The following WDR45B variants were observed in gnomAD, a reference collection of about 807,000 sequenced individuals.
WDR45B encodes WD repeat domain phosphoinositide-interacting protein 3.
In WDR45B, 20 loss-of-function variants were observed where a neutral mutation model predicts 44.6. The observed-to-expected ratio is 0.45, with a 90% CI of 0.32 to 0.65. The LOEUF is 0.65. WDR45B is among the 30% of genes least tolerant of loss of function. WDR45B has a pLI of 0.05. For missense variants in WDR45B, 323 were observed against 430.2 expected (o/e 0.75, Z 2.20); for synonymous variants, 169 against 164.9 (o/e 1.02, Z -0.19).
Position 82,621,803 on chromosome 17 carries a change from C to T in WDR45B, c.428-4G>A, listed in dbSNP as rs530240273. The T allele has an allele frequency of 6.8e-6, 11 of 1,613,974 alleles. No homozygotes were observed. The highest frequency in any genetic ancestry group is 3.3e-5 in the Admixed American group (2 of 60,002). ...TTGGGACAAAGGACACAGAGGCCTG[C>T]GTGGAGACAGAGGACACCAATCAAG... On this transcript the variant is annotated splice_region_variant and splice_polypyrimidine_tract_variant and intron_variant, in intron 5 of 9. Transcript: ENST00000392325.
intron 9 of WDR45B, 32 bp downstream of exon 9, chr17:82,616,492 T>A (rs746425515): frequency 6.1e-5 from 99 of 1,612,322 alleles, no homozygotes; most frequent in Non-Finnish European, 8.1e-5. Context: ...GTGGGGCGGG[T>A]GGGGACGTTC....
intron 4 of WDR45B, chr17:82,625,700 C>T (rs1442604000): frequency 1.4e-5 from 8 of 560,542 alleles, no homozygotes; most frequent in Admixed American, 1.3e-4. Context: ...TGCTTCTCGC[C>T]TGGGTGAAGG....
chr17:82,629,090 A>G (rs2045735951), intron 3 of WDR45B, among the ~76,000 whole-genome samples: 1 of 152,334 alleles, frequency 6.6e-6, no homozygotes, highest in East Asian at 1.9e-4. Context: ...CCTGCTGAAT[A>G]CTGCTTTCTT....
At chr17:82,647,092 G>A (rs1342113801) in intron 1 of WDR45B, among the ~76,000 whole-genome samples, 1 of 152,180 alleles carries the variant, frequency 6.6e-6, no homozygotes, top group Non-Finnish European at 1.5e-5. Flanking sequence ...AGCCGGGCGT[G>A]GAGGCAGGCG....
Position 82,648,393 on chromosome 17 carries a change from G to T in WDR45B, c.-53C>A, listed in dbSNP as rs546337286. The T allele has an allele frequency of 5.7e-6, 9 of 1,586,388 alleles. No homozygotes were observed. Among genetic ancestry groups the T allele is most frequent in the Non-Finnish European group, 7.7e-6 (9 of 1,168,334 alleles). On this transcript the variant is annotated 5_prime_UTR_variant, in exon 1 of 10. Coordinates refer to ENST00000392325, the MANE Select transcript of WDR45B (RefSeq NM_019613.4). ...TCAGCGCTGCATGCCTCTCGCTGGGGACGGCGGCCTGGTCCCTTCGGGCCG... is the reference window on the plus strand; with the variant it reads ...TCAGCGCTGCATGCCTCTCGCTGGGTACGGCGGCCTGGTCCCTTCGGGCCG...
rs777155837 is a variant in WDR45B, at chr17:82,615,985, G to A, written c.969C>T (p.Asn323=). 1.2e-4 allele frequency: 201 copies of A among 1,613,862 alleles called. No homozygotes were observed. Among genetic ancestry groups the A allele is most frequent in the Middle Eastern group, 1.6e-4 (1 of 6,084 alleles). Residue 323 remains asparagine (N), a synonymous_variant, in exon 10 of 10, where the codon AAC becomes AAT. Coordinates refer to ENST00000392325, the MANE Select transcript of WDR45B (RefSeq NM_019613.4). ...CATCTCGGATGCACTCCCCCTTGGG[G>A]TTGAACAGGAATTTGTAGTAGCTGC... ...ADGSYYKFLF[N]PKGECIRDVY...
Position 82,641,004 on chromosome 17 carries a change from C to T in WDR45B, c.142+2945G>A, listed in dbSNP as rs143920493. 3.8e-3 allele frequency among the ~76,000 whole-genome samples: 472 copies of T among 125,290 alleles called. 4 individuals are homozygous for T. Among genetic ancestry groups the T allele is most frequent in the African/African-American group, 0.013 (418 of 32,184 alleles). The allele number at this position is 125,290 out of a possible 152,430, so 82.2% of individuals were successfully genotyped here. A position where few individuals can be genotyped will look rare whatever the true frequency, so the allele number is the denominator to read the frequency against. ...TTTTTGAGACGGAGTCTTGCTCTGT[C>T]GCCCAGGATGGAGTGCAGTGGCGCA... is the stretch of plus-strand genomic sequence containing the variant. On this transcript the variant is annotated intron_variant, in intron 2 of 9. Coordinates refer to ENST00000392325, the MANE Select transcript of WDR45B (RefSeq NM_019613.4).
intron 2 of WDR45B, among the ~76,000 whole-genome samples, chr17:82,643,151 G>A (rs2045937645): frequency 6.6e-6 from 1 of 152,186 alleles, no homozygotes; most frequent in Admixed American, 6.6e-5. Flanking sequence ...AGAAAGTGAG[G>A]TGGCCGGGGA....
At chr17:82,629,782 C>T in intron 3 of WDR45B, 2 of 985,418 alleles carry the variant, frequency 2.0e-6, no homozygotes, top group Non-Finnish European at 2.4e-6. Context: ...CTGGAACCTT[C>T]TGCCTTTCCA....
At chr17:82,618,999 G>C (rs1279368194) in intron 7 of WDR45B, 44 bp downstream of exon 7, 2 of 1,592,388 alleles carry the variant, frequency 1.3e-6, no homozygotes, top group Non-Finnish European at 1.7e-6. Flanking sequence ...CTTCCGTGCT[G>C]TCAGCCCGAA....
chr17:82,643,334 G>A (rs1291669591), intron 2 of WDR45B, among the ~76,000 whole-genome samples: 2 of 152,076 alleles, frequency 1.3e-5, no homozygotes, highest in East Asian at 1.9e-4. Context: ...TCGGGAGGCC[G>A]AGGCAGGAGA....
At chr17:82,620,044 G>GT (rs753987148) in intron 6 of WDR45B, among the ~76,000 whole-genome samples, 1 of 152,314 alleles carries the variant, frequency 6.6e-6, no homozygotes, top group African/African-American at 2.4e-5. Flanking sequence ...GATAAAAAGG[G>GT]TAAGAAAAAA....
chr17:82,641,396 A>G (rs1448943983), intron 2 of WDR45B, among the ~76,000 whole-genome samples: 1 of 152,246 alleles, frequency 6.6e-6, no homozygotes, highest in Non-Finnish European at 1.5e-5. Flanking sequence ...TTCCTGGCTC[A>G]TAACTCCCAG....
intron 1 of WDR45B, among the ~76,000 whole-genome samples, chr17:82,647,647 G>A (rs1488426713): frequency 1.3e-5 from 2 of 152,138 alleles, no homozygotes; most frequent in East Asian, 1.9e-4. Context: ...AAAAATCCCG[G>A]GGAGTGGGGG....
chr17:82,648,256 A>G lies in WDR45B; in HGVS notation c.67+18T>C. 6.2e-7 allele frequency: 1 copy of G among 1,600,244 alleles called. No individual in the cohort carries two copies. Among genetic ancestry groups the G allele is most frequent in the African/African-American group, 1.4e-5 (1 of 73,520 alleles). ...GGAAGGCCCGGCCGGGCAAGGCGAC[A>G]GGGCCGCGCCTCCTCACCGTGGTCC... is the stretch of plus-strand genomic sequence containing the variant. On this transcript the variant is annotated intron_variant, in intron 1 of 9. Transcript: ENST00000392325.
intron 6 of WDR45B, 68 bp downstream of exon 6, chr17:82,621,541 G>GA (rs1457769599): frequency 1.2e-6 from 2 of 1,603,662 alleles, no homozygotes; most frequent in Admixed American, 3.3e-5. Flanking sequence ...TTGATACAGG[G>GA]AATGGCCATT....
At chr17:82,631,112 G>A (rs187421679) in intron 2 of WDR45B, 90 bp from the exon 3 acceptor site, 41 of 1,306,448 alleles carry the variant, frequency 3.1e-5, no homozygotes, top group East Asian at 2.4e-4. Flanking sequence ...GACAGGTAAC[G>A]CAGCAATTTT....
At chr17:82,647,361 T>C (rs1598283871) in intron 1 of WDR45B, among the ~76,000 whole-genome samples, 2 of 152,336 alleles carry the variant, frequency 1.3e-5, no homozygotes, top group Non-Finnish European at 2.9e-5. Flanking sequence ...CGGACATTCC[T>C]TTTCCTCCCC....
At chr17:82,635,335 G>A (rs977112813) in intron 2 of WDR45B, among the ~76,000 whole-genome samples, 1 of 151,658 alleles carries the variant, frequency 6.6e-6, no homozygotes, top group Non-Finnish European at 1.5e-5. Context: ...CTATTTAACC[G>A]AGAGACAATG....
Sources: allele counts gnomAD v4.1 joint callset (sites outside exome capture counted in the v4.1 genomes callset), GRCh38; gene constraint gnomAD v4.1.1; transcripts MANE v1.5; gene names NCBI Gene and HGNC (gene_info 2026-07-23, HGNC 2026-07-21).